The following AOPEP variants were observed in gnomAD, a reference collection of about 807,000 sequenced individuals.
AOPEP encodes the protein aminopeptidase O (putative).
In AOPEP, 77 loss-of-function variants were observed where a neutral mutation model predicts 98.1. The ratio of observed to expected loss-of-function variants is 0.78; its 90% CI spans 0.65 to 0.95. AOPEP has a LOEUF of 0.95. AOPEP is among the 40% of genes least tolerant of loss of function. AOPEP has a pLI of 0.00. For missense variants in AOPEP, 1,024 were observed against 1,024.7 expected, an observed-to-expected ratio of 1.00 and a Z score of 0.01; for synonymous variants, 346 against 365.3, an observed-to-expected ratio of 0.95 and a Z score of 0.60.
intron 14 of AOPEP, among the ~76,000 whole-genome samples, chr9:95,075,100 A>G (rs2068911291): frequency 6.6e-6 from 1 of 151,492 alleles, no homozygotes; most frequent in Non-Finnish European, 1.5e-5. Context: ...CAACTTCATC[A>G]TTTTCCTCCC....
intron 11 of AOPEP, among the ~76,000 whole-genome samples, chr9:95,003,712 T>C (rs570180541): frequency 6.6e-6 from 1 of 152,278 alleles, no homozygotes; most frequent in Non-Finnish European, 1.5e-5. Context: ...CTAAAAGATA[T>C]AATAACACAT....
intron 5 of AOPEP, among the ~76,000 whole-genome samples, chr9:94,804,580 G>A (rs1301121482): frequency 3.9e-5 from 6 of 152,138 alleles, no homozygotes; most frequent in Non-Finnish European, 7.4e-5. Flanking sequence ...GATTGTTTGA[G>A]CTTTTCCCCA....
intron 3 of AOPEP, among the ~76,000 whole-genome samples, chr9:94,788,716 C>T (rs1475398723): frequency 6.6e-6 from 1 of 152,152 alleles, no homozygotes; most frequent in Non-Finnish European, 1.5e-5. Flanking sequence ...ACAGTGAAAG[C>T]CTGGCTGTCA....
At chr9:94,902,708 G>A (rs1263592203) in intron 5 of AOPEP, among the ~76,000 whole-genome samples, 1 of 151,984 alleles carries the variant, frequency 6.6e-6, no homozygotes, top group African/African-American at 2.4e-5. Context: ...GTGTTCCCCT[G>A]GGGCTCTGTA....
chr9:94,946,063 A>G lies in AOPEP; in HGVS notation c.1662-9114A>G, dbSNP rs1260485270. 2.0e-5 allele frequency among the ~76,000 whole-genome samples: 3 copies of G among 152,298 alleles called. No homozygotes were observed. The East Asian group carries it at 5.8e-4, about 29-fold the overall frequency. Reference sequence around the variant, plus strand: ...CCCCAAACAGAACACTGTGAAAAGTACAGTCAAGGCCTTGTACTGCCTGGA... The same window carrying G: ...CCCCAAACAGAACACTGTGAAAAGTGCAGTCAAGGCCTTGTACTGCCTGGA... On this transcript the variant is annotated intron_variant, in intron 7 of 16. Coordinates refer to ENST00000375315, the MANE Select transcript of AOPEP (RefSeq NM_001193329.3).
At chr9:94,890,664 A>G (rs1015193095) in intron 5 of AOPEP, among the ~76,000 whole-genome samples, 30 of 152,250 alleles carry the variant, frequency 2.0e-4, no homozygotes, top group African/African-American at 7.0e-4. Flanking sequence ...GCATCCCACA[A>G]ACTTTGGTTT....
downstream of AOPEP, among the ~76,000 whole-genome samples, chr9:95,090,954 G>A (rs1474345746): frequency 3.9e-5 from 6 of 152,310 alleles, no homozygotes; most frequent in East Asian, 3.9e-4. Context: ...CAGCCCTGAC[G>A]GAAAACCTGC....
chr9:95,113,357 A>G, the AOPEP span, among the ~76,000 whole-genome samples: 1 of 152,238 alleles, frequency 6.6e-6, no homozygotes, highest in Non-Finnish European at 1.5e-5. Context: ...AGATAGTCTT[A>G]GTAGGCTAGC....
At chr9:95,023,044 C>A (rs1418542617) in intron 13 of AOPEP, among the ~76,000 whole-genome samples, 1 of 152,290 alleles carries the variant, frequency 6.6e-6, no homozygotes, top group East Asian at 1.9e-4. Context: ...GGCTTTTTCA[C>A]GCTGGACCGA....
chr9:95,142,081 C>T, the AOPEP span, among the ~76,000 whole-genome samples: 2 of 149,306 alleles, frequency 1.3e-5, no homozygotes, highest in Non-Finnish European at 2.9e-5. Context: ...CAACCTCTGC[C>T]TCCCGGGTTC....
At chr9:94,899,179 CTTTTTTTTTTTT>C (rs1164742981) in intron 5 of AOPEP, among the ~76,000 whole-genome samples, 3 of 59,746 alleles carry the variant, frequency 5.0e-5, no homozygotes, top group South Asian at 8.1e-4. Flanking sequence ...TCTTCATTTG[CTTTTTTTTTTTT>C]TTTTTTTTTT....
chr9:95,097,797 G>A, the AOPEP span, among the ~76,000 whole-genome samples: 1 of 152,152 alleles, frequency 6.6e-6, no homozygotes, highest in Non-Finnish European at 1.5e-5. Flanking sequence ...TTGGACCCAT[G>A]GTATAAACCA....
At position 94,800,887 on chromosome 9, in the gene AOPEP, C is replaced by G. The variant is rs1848072941; in HGVS notation, c.1249C>G (p.Leu417Val). Reference protein sequence around the residue: ...CLTGACQETLLRLIPPCLSAA... With the variant: ...CLTGACQETLVRLIPPCLSAA... ...CACGGGTGCCTGCCAAGAGACCCTT[C>G]TGCGGCTGATCCCTCCTTGCCTCTC... The change falls in exon 5 of 17, where the codon CTG (leucine) becomes GTG (valine). Residue 417 changes from leucine (L) to valine (V), a missense_variant. Leu to Val is a conservative substitution (Grantham distance 32). Coordinates refer to ENST00000375315, the MANE Select transcript of AOPEP (RefSeq NM_001193329.3). 9.3e-6 allele frequency: 15 copies of G among 1,614,042 alleles called. No individual in the cohort carries two copies. Among genetic ancestry groups the G allele is most frequent in the Non-Finnish European group, 1.3e-5 (15 of 1,180,040 alleles).
the AOPEP span, chr9:95,100,700 G>T: frequency 4.4e-6 from 1 of 228,100 alleles, no homozygotes. Context: ...TCATGATCTC[G>T]GCTCACTACA....
At chr9:94,974,641 C>CGCAGGAGCCAGGCTGTCTTCA (rs547970276) in intron 10 of AOPEP, among the ~76,000 whole-genome samples, 4 of 152,076 alleles carry the variant, frequency 2.6e-5, no homozygotes, top group Admixed American at 6.5e-5. Flanking sequence ...AGGGCAACCA[C>CGCAGGAGCCAGGCTGTCTTCA]GCAGGAGCCA....
chr9:94,892,724 T>G (rs559713975), intron 5 of AOPEP, among the ~76,000 whole-genome samples: 29 of 152,192 alleles, frequency 1.9e-4, no homozygotes, highest in Non-Finnish European at 3.2e-4. Flanking sequence ...TTTCTATTAT[T>G]TTTTAAAGAG....
At position 94,759,663 on chromosome 9, in the gene AOPEP, C is replaced by T. The variant is rs1222493050; in HGVS notation, c.-121C>T. On this transcript the variant is annotated 5_prime_UTR_variant, in exon 2 of 17. Coordinates refer to ENST00000375315, the MANE Select transcript of AOPEP (RefSeq NM_001193329.3). ...TTTTTTGCCAGGAGACTGAAAGGAA[C>T]CATAATTTGTGACATCAGTTGTTTT... The T allele has an allele frequency of 1.5e-5, 12 of 790,410 alleles. No homozygotes were observed. The highest frequency in any genetic ancestry group is 2.3e-5 in the Non-Finnish European group (12 of 511,464). The allele number at this position is 790,410 out of a possible 1,614,324, so 49.0% of individuals were successfully genotyped here.
At chr9:94,915,538 G>C (rs2052675676) in intron 5 of AOPEP, among the ~76,000 whole-genome samples, 1 of 152,006 alleles carries the variant, frequency 6.6e-6, no homozygotes, top group Non-Finnish European at 1.5e-5. Flanking sequence ...CCGACGTCCT[G>C]CTGCCTGACC....
At chr9:95,071,242 T>A (rs1436872950) in intron 14 of AOPEP, among the ~76,000 whole-genome samples, 1 of 152,050 alleles carries the variant, frequency 6.6e-6, no homozygotes, top group Non-Finnish European at 1.5e-5. Context: ...AACTCTGAAA[T>A]GCTTCAAAAT....
Sources: gnomAD v4.1 joint callset for allele counts (sites outside exome capture counted in the v4.1 genomes callset) on GRCh38, gnomAD v4.1.1 for gene constraint, MANE v1.5 for transcripts, NCBI Gene and HGNC (gene_info 2026-07-23, HGNC 2026-07-21) for gene names.